CWC27: variants seen among roughly 807,000 people sequenced by gnomAD.
CWC27 encodes the protein spliceosome-associated protein CWC27 homolog.
CWC27 carries 47 observed loss-of-function variants against 63.6 expected under a neutral mutation model. The observed-to-expected ratio is 0.74, with a 90% CI of 0.58 to 0.94. CWC27 has a LOEUF of 0.94. Ranked by LOEUF, CWC27 falls within the 40% of genes least tolerant of loss-of-function variation. The pLI is 0.00. For synonymous variants in CWC27, 175 were observed against 179.8 expected (o/e 0.97, Z 0.22); for missense variants, 495 against 554.3 (o/e 0.89, Z 1.07).
chr5:64,999,415 T>G (rs934268606), intron 13 of CWC27, among the ~76,000 whole-genome samples: 62 of 152,112 alleles, frequency 4.1e-4, no homozygotes, highest in African/African-American at 1.4e-3. Context: ...GTCACCCTAC[T>G]GTGCTATCAA....
chr5:64,801,516 G>GGT (rs1744486587), intron 9 of CWC27, among the ~76,000 whole-genome samples, 184 bp downstream of exon 9: 1 of 151,684 alleles, frequency 6.6e-6, no homozygotes, highest in South Asian at 2.1e-4. Flanking sequence ...TTACTCTAGG[G>GGT]GTGTGCGTGT....
chr5:64,893,289 A>G (rs1747284969), intron 11 of CWC27, among the ~76,000 whole-genome samples: 1 of 152,252 alleles, frequency 6.6e-6, no homozygotes, highest in African/African-American at 2.4e-5. Flanking sequence ...TTTGCCAAAA[A>G]TGACATCAAA....
chr5:64,769,209 A>G, intron 1 of CWC27, 21 bp downstream of exon 1: 2 of 1,612,728 alleles, frequency 1.2e-6, no homozygotes, highest in Non-Finnish European at 1.7e-6. Flanking sequence ...CATCTAGGGA[A>G]CTTGGGGTCC....
chr5:64,828,541 G>C (rs1185308547), intron 10 of CWC27, among the ~76,000 whole-genome samples: 3 of 151,932 alleles, frequency 2.0e-5, no homozygotes, highest in African/African-American at 4.8e-5. Context: ...GTCTTTTGCT[G>C]CATCCTCAAA....
intron 10 of CWC27, among the ~76,000 whole-genome samples, chr5:64,866,222 G>C (rs1746528352): frequency 1.3e-5 from 2 of 152,010 alleles, no homozygotes; most frequent in Admixed American, 1.3e-4. Context: ...TTGAACGTAT[G>C]ATTCAGAAAC....
chr5:65,018,211 A>G lies in CWC27; in HGVS notation c.1309A>G (p.Ser437Gly). ...EDKSRKVKDA[S>G]MQDSDTFEIY... Reference sequence around the variant, plus strand: ...TAAAAGCAGAAAAGTGAAAGATGCAAGCATGCAAGACTCAGATACATTTGA... The same window carrying G: ...TAAAAGCAGAAAAGTGAAAGATGCAGGCATGCAAGACTCAGATACATTTGA... The change falls in exon 14 of 14, where the codon AGC becomes GGC. Residue 437 changes from serine (S) to glycine (G), a missense_variant. By Grantham distance (56) the Ser-to-Gly change is moderately conservative. This residue lies in a region of CWC27 where 12 missense variants were observed against 34.1 expected (regional missense o/e 0.35). Transcript: ENST00000381070. The G allele has an allele frequency of 6.2e-7, 1 of 1,608,352 alleles. No homozygotes were observed. Among genetic ancestry groups the G allele is most frequent in the African/African-American group, 1.3e-5 (1 of 74,688 alleles).
chr5:65,004,263 G>A (rs1749786706), intron 13 of CWC27, among the ~76,000 whole-genome samples: 1 of 151,830 alleles, frequency 6.6e-6, no homozygotes, highest in African/African-American at 2.4e-5. Flanking sequence ...GAGTTTTTCT[G>A]CTCAGCTATT....
rs747658761 is a variant in CWC27, at chr5:64,971,814, T to A, written c.1152+2T>A. The A allele has an allele frequency of 6.2e-6, 10 of 1,600,108 alleles. No individual in the cohort carries two copies. In the African/African-American group the frequency reaches 1.4e-4, roughly 22 times the overall value. On this transcript the variant is annotated splice_donor_variant, in intron 12 of 13. Transcript: ENST00000381070. LOFTEE classifies it high-confidence loss of function. ...AAGGGAACTTCCCGGGAAGATCAGG[T>A]AACTTCAAAAACCCAAATCCATACA...
chr5:64,876,789 G>GA (rs1167880178), intron 10 of CWC27, among the ~76,000 whole-genome samples: 1 of 151,750 alleles, frequency 6.6e-6, no homozygotes, highest in Non-Finnish European at 1.5e-5. Context: ...TGGAGAAAAT[G>GA]AAAAAAGCAT....
intron 1 of CWC27, among the ~76,000 whole-genome samples, chr5:64,773,089 A>G (rs995142420): frequency 6.6e-6 from 1 of 152,196 alleles, no homozygotes; most frequent in Non-Finnish European, 1.5e-5. Flanking sequence ...CAAGCAAATC[A>G]TAAGAACATG....
intron 11 of CWC27, among the ~76,000 whole-genome samples, chr5:64,929,149 A>T (rs372686669): frequency 5.3e-5 from 8 of 152,188 alleles, no homozygotes; most frequent in African/African-American, 1.9e-4. Context: ...ATGGATTGGT[A>T]TATGTGGATG....
chr5:64,901,170 G>T (rs1441687608), intron 11 of CWC27, among the ~76,000 whole-genome samples: 1 of 152,106 alleles, frequency 6.6e-6, no homozygotes, highest in Non-Finnish European at 1.5e-5. Context: ...AACATTGCAG[G>T]CGATTGTAAT....
At chr5:64,947,622 G>A (rs1210089809) in intron 11 of CWC27, among the ~76,000 whole-genome samples, 1 of 152,034 alleles carries the variant, frequency 6.6e-6, no homozygotes, top group African/African-American at 2.4e-5. Context: ...AACAGAATTG[G>A]ATAAGCTTCA....
In CWC27 at chr5:64,882,585, A is replaced by AGTT. The variant is rs529962877; in HGVS notation, c.939-2836_939-2834dup. Among the ~76,000 whole-genome samples, 1,477 of 151,822 alleles carry AGTT rather than the reference A, an allele frequency of 9.7e-3. 41 individuals are homozygous for AGTT. The highest frequency in any genetic ancestry group is 0.033 in the African/African-American group (1,373 of 41,438). On this transcript the variant is annotated intron_variant, in intron 10 of 13. Coordinates refer to ENST00000381070, the MANE Select transcript of CWC27 (RefSeq NM_005869.4). ...TATGTAAAAATTAATGTTTCCTTTTAGTTGTTGTTGTTGTTGTTGTTGTTT... is the reference window on the plus strand; with the variant it reads ...TATGTAAAAATTAATGTTTCCTTTTAGTTGTTGTTGTTGTTGTTGTTGTTGTTT...
intron 11 of CWC27, among the ~76,000 whole-genome samples, chr5:64,905,008 C>G (rs1299433879): frequency 6.6e-6 from 1 of 152,000 alleles, no homozygotes; most frequent in Non-Finnish European, 1.5e-5. Context: ...TGAGGCCAGC[C>G]TGGCCAACAT....
intron 11 of CWC27, among the ~76,000 whole-genome samples, chr5:64,956,273 C>T (rs532046361): frequency 6.6e-6 from 1 of 152,102 alleles, no homozygotes; most frequent in Non-Finnish European, 1.5e-5. Context: ...TAAAATGTGG[C>T]TGCTCATTGC....
intron 11 of CWC27, among the ~76,000 whole-genome samples, chr5:64,940,058 G>A (rs1748442118): frequency 6.6e-6 from 1 of 152,202 alleles, no homozygotes; most frequent in Admixed American, 6.5e-5. Context: ...TGGGCTCTGT[G>A]GGGGTGGGAT....
At chr5:64,924,988 C>CAT (rs112565417) in intron 11 of CWC27, among the ~76,000 whole-genome samples, 11 of 150,344 alleles carry the variant, frequency 7.3e-5, no homozygotes, top group African/African-American at 2.4e-4. Context: ...CACACACACA[C>CAT]GAAAATTCAC....
chr5:64,788,864 C>T, intron 6 of CWC27, 87 bp from the exon 7 acceptor site: 1 of 833,944 alleles, frequency 1.2e-6, no homozygotes, highest in Non-Finnish European at 1.9e-6. Context: ...CTTGTAAATT[C>T]TGTTCTCTTG....
Sources: gnomAD v4.1 joint callset for allele counts (sites outside exome capture counted in the v4.1 genomes callset) on GRCh38, gnomAD v4.1.1 for gene constraint, gnomAD v4.1.1 regional missense constraint, MANE v1.5 for transcripts, NCBI Gene and HGNC (gene_info 2026-07-23, HGNC 2026-07-21) for gene names.